HS6ST2: variants seen among roughly 807,000 people sequenced by gnomAD.
HS6ST2 encodes heparan sulfate 6-O-sulfotransferase 2.
Under a neutral mutation model 33.0 loss-of-function variants are expected in HS6ST2, and 17 were observed. The ratio of observed to expected loss-of-function variants is 0.52; its 90% CI spans 0.35 to 0.77. The LOEUF (loss-of-function observed/expected upper bound fraction) is 0.77. Ranked by LOEUF, HS6ST2 falls within the 30% of genes least tolerant of loss-of-function variation. The pLI is 0.01. For synonymous variants in HS6ST2, 248 were observed against 237.1 expected, an observed-to-expected ratio of 1.05 and a Z score of -0.42; for missense variants, 519 against 551.7, an observed-to-expected ratio of 0.94 and a Z score of 0.59.
At chrX:132,746,319 G>A (rs1038927819) in intron 2 of HS6ST2, among the ~76,000 whole-genome samples, 2 of 110,697 alleles carry the variant, frequency 1.8e-5, no homozygotes, top group Admixed American at 1.9e-4. Context: ...TGGCTAACAC[G>A]GTGAAAACCC....
chrX:132,927,869 A>G (rs1209879038), intron 2 of HS6ST2, among the ~76,000 whole-genome samples: 1 of 109,983 alleles, frequency 9.1e-6, no homozygotes, highest in Non-Finnish European at 1.9e-5. Context: ...AAAAAAAAAA[A>G]AAAAAGAAAA....
At chrX:132,821,596 G>A (rs2065459703) in intron 2 of HS6ST2, among the ~76,000 whole-genome samples, 1 of 110,576 alleles carries the variant, frequency 9.0e-6, no homozygotes, top group Non-Finnish European at 1.9e-5. Flanking sequence ...AATCCCCAGG[G>A]TCTAGGTTCT....
chrX:132,814,879 T>A (rs2065381492), intron 2 of HS6ST2, among the ~76,000 whole-genome samples: 1 of 112,016 alleles, frequency 8.9e-6, no homozygotes, highest in Non-Finnish European at 1.9e-5. Context: ...GCCTGGAATG[T>A]CTTCTTCTCT....
intron 2 of HS6ST2, among the ~76,000 whole-genome samples, chrX:132,797,337 T>C (rs935140489): frequency 2.7e-5 from 3 of 111,343 alleles, no homozygotes; most frequent in Non-Finnish European, 5.6e-5. Flanking sequence ...ATATTCCAAG[T>C]CAGATGAAAG....
chrX:132,784,594 G>A (rs1185866743), intron 2 of HS6ST2, among the ~76,000 whole-genome samples: 2 of 111,886 alleles, frequency 1.8e-5, no homozygotes, highest in Non-Finnish European at 3.8e-5. Flanking sequence ...ACAGGTGTGA[G>A]CCTCAGTGTT....
chrX:132,727,244 G>C (rs1203150985), intron 2 of HS6ST2, among the ~76,000 whole-genome samples: 3 of 100,907 alleles, frequency 3.0e-5, no homozygotes, highest in Admixed American at 2.1e-4. Flanking sequence ...ATTGGGGGGG[G>C]GGGCATAGAG....
intron 4 of HS6ST2, among the ~76,000 whole-genome samples, chrX:132,653,995 G>A (rs2063712632): frequency 9.0e-6 from 1 of 111,523 alleles, no homozygotes; most frequent in Admixed American, 9.6e-5. Context: ...GGTGGTGATG[G>A]TTAAAGGGTA....
At chrX:132,637,809 T>TAA (rs199708858) in intron 4 of HS6ST2, among the ~76,000 whole-genome samples, 3 of 62,708 alleles carry the variant, frequency 4.8e-5, no homozygotes, top group African/African-American at 6.9e-5. Context: ...ATATTATATA[T>TAA]TATTTTATAT....
intron 2 of HS6ST2, among the ~76,000 whole-genome samples, chrX:132,891,196 C>CTCATT (rs1366813230): frequency 4.6e-5 from 5 of 108,710 alleles, no homozygotes; most frequent in Non-Finnish European, 9.5e-5. Context: ...TGTGAATCTC[C>CTCATT]CGAAGCACAT....
chrX:132,865,643 T>C (rs1392334364), intron 2 of HS6ST2, among the ~76,000 whole-genome samples: 6 of 111,405 alleles, frequency 5.4e-5, no homozygotes. Context: ...GCACCTGTTG[T>C]TTCCTGACTT....
At chrX:132,847,702 T>C (rs1178056932) in intron 2 of HS6ST2, among the ~76,000 whole-genome samples, 1 of 110,855 alleles carries the variant, frequency 9.0e-6, no homozygotes, top group African/African-American at 3.3e-5. Flanking sequence ...AGAGGGAGAA[T>C]CAAATCCATG....
At chrX:132,837,254 C>G (rs904378611) in intron 2 of HS6ST2, among the ~76,000 whole-genome samples, 19 of 111,414 alleles carry the variant, frequency 1.7e-4, no homozygotes, top group Non-Finnish European at 1.1e-4. Context: ...CCAGGGCAAG[C>G]CACAAATTGT....
chrX:132,920,605 A>C (rs184253921), intron 2 of HS6ST2, among the ~76,000 whole-genome samples: 48 of 112,683 alleles, frequency 4.3e-4, no homozygotes, highest in African/African-American at 1.5e-3. Flanking sequence ...ATTTAAAAGA[A>C]AAAAAACAGT....
intron 2 of HS6ST2, among the ~76,000 whole-genome samples, chrX:132,937,348 T>A: frequency 9.0e-6 from 1 of 111,704 alleles, no homozygotes; most frequent in South Asian, 3.7e-4. Context: ...AAACAAATTC[T>A]GAAATTTGTA....
intron 2 of HS6ST2, among the ~76,000 whole-genome samples, chrX:132,752,498 C>T (rs1228834412): frequency 9.5e-6 from 1 of 105,463 alleles, no homozygotes; most frequent in Non-Finnish European, 1.9e-5. Flanking sequence ...AAAGAACTGA[C>T]ACCAGATTTA....
intron 3 of HS6ST2, among the ~76,000 whole-genome samples, chrX:132,704,844 C>A (rs1410658350): frequency 6.3e-5 from 7 of 111,798 alleles, no homozygotes; most frequent in African/African-American, 2.3e-4. Context: ...CATACTTGTG[C>A]CTTGTTTTCA....
intron 2 of HS6ST2, among the ~76,000 whole-genome samples, chrX:132,721,076 T>C (rs1208142809): frequency 1.8e-5 from 2 of 111,886 alleles, no homozygotes; most frequent in Non-Finnish European, 3.8e-5. Flanking sequence ...ATAGACTAAA[T>C]GGATCTAATA....
chrX:132,806,635 T>C (rs1413798977), intron 2 of HS6ST2, among the ~76,000 whole-genome samples: 1 of 110,165 alleles, frequency 9.1e-6, no homozygotes, highest in Non-Finnish European at 1.9e-5. Context: ...TATAAATGAG[T>C]GAGCACAGTT....
At chrX:132,916,416 T>C (rs1433484827) in intron 2 of HS6ST2, among the ~76,000 whole-genome samples, 3 of 105,099 alleles carry the variant, frequency 2.9e-5, no homozygotes, top group Non-Finnish European at 5.8e-5. Flanking sequence ...AATTTGATGA[T>C]GGACAGTGTG....
Sources: gnomAD v4.1 joint callset for allele counts (sites outside exome capture counted in the v4.1 genomes callset) on GRCh38, gnomAD v4.1.1 for gene constraint, MANE v1.5 for transcripts, NCBI Gene and HGNC (gene_info 2026-07-23, HGNC 2026-07-21) for gene names.